ST3GAL1: variants seen among roughly 807,000 people sequenced by gnomAD.
The protein encoded by ST3GAL1 is ST3 beta-galactoside alpha-2,3-sialyltransferase 1, also known as CMP-N-acetylneuraminate-beta-galactosamide-alpha-2,3-sialyltransferase 1.
In ST3GAL1, 16 loss-of-function variants were observed where a neutral mutation model predicts 34.1. That is an observed-to-expected ratio of 0.47 (90% CI 0.32 to 0.71). The LOEUF is 0.71. Among genes scored for constraint, ST3GAL1 ranks in the 30% least tolerant of loss-of-function variants. The pLI, the probability that ST3GAL1 is intolerant of heterozygous loss-of-function variation, is 0.04. For missense variants in ST3GAL1, 353 were observed against 447.4 expected (o/e 0.79, Z 1.90); for synonymous variants, 191 against 184.7 (o/e 1.03, Z -0.28).
intron 1 of ST3GAL1, among the ~76,000 whole-genome samples, chr8:133,562,100 A>G (rs1211057057): frequency 1.3e-5 from 2 of 152,152 alleles, no homozygotes; most frequent in African/African-American, 4.8e-5. Flanking sequence ...AATAAAAAAA[A>G]AGAGAGACCT....
intron 2 of ST3GAL1, among the ~76,000 whole-genome samples, chr8:133,541,058 TATATATATAGAC>T (rs71299077): frequency 0.19 from 5,173 of 27,620 alleles, 381 homozygotes; most frequent in African/African-American, 0.28. Context: ...TATATAGACA[TATATATATAGAC>T]ATATATATAG....
At chr8:133,569,956 T>C (rs1355395548) in intron 1 of ST3GAL1, among the ~76,000 whole-genome samples, 1 of 152,220 alleles carries the variant, frequency 6.6e-6, no homozygotes, top group Non-Finnish European at 1.5e-5. Flanking sequence ...GTCGATACAT[T>C]TGAACTCCAT....
chr8:133,546,970 C>T (rs1429343997), intron 1 of ST3GAL1, among the ~76,000 whole-genome samples: 5 of 151,524 alleles, frequency 3.3e-5, no homozygotes, highest in Admixed American at 3.3e-4. Context: ...ACACCACTGC[C>T]CTCCAGCCTG....
intron 2 of ST3GAL1, among the ~76,000 whole-genome samples, chr8:133,525,335 C>G (rs757321543): frequency 2.6e-5 from 4 of 152,234 alleles, no homozygotes; most frequent in Admixed American, 2.0e-4. Context: ...AGTCCTGACA[C>G]CTACATGTCT....
In ST3GAL1 at chr8:133,476,082, A is replaced by G; in HGVS notation, c.-50-8T>C. The G allele has an allele frequency of 6.6e-7, 1 of 1,504,968 alleles. No homozygotes were observed. The highest frequency in any genetic ancestry group is 8.9e-7 in the Non-Finnish European group (1 of 1,125,470). The allele number at this position is 1,504,968 out of a possible 1,614,324, so 93.2% of individuals were successfully genotyped here. On this transcript the variant is annotated splice_polypyrimidine_tract_variant and splice_region_variant and intron_variant, in intron 4 of 9. Transcript: ENST00000522652. ...GGTAGCAGGAACTCCCTCCTAAGAG[A>G]GGAGAAAAATGGAAGAAAAATCCCA...
chr8:133,484,784 G>C (rs1816518510), intron 3 of ST3GAL1, among the ~76,000 whole-genome samples: 1 of 152,092 alleles, frequency 6.6e-6, no homozygotes, highest in South Asian at 2.1e-4. Context: ...CCCGCCCCAG[G>C]ATTCCTGCCA....
At chr8:133,540,748 TATATATATATATAGAC>T (rs1563733857) in intron 2 of ST3GAL1, among the ~76,000 whole-genome samples, 2 of 56,378 alleles carry the variant, frequency 3.5e-5, no homozygotes, top group East Asian at 8.1e-4. Flanking sequence ...TATATAGACA[TATATATATATATAGAC>T]ATATATATAT....
At position 133,461,287 on chromosome 8, in the gene ST3GAL1, G is replaced by A. The variant is rs1232764245; in HGVS notation, c.849+588C>T. Among the ~76,000 whole-genome samples the A allele has an allele frequency of 6.6e-6, 1 of 152,188 alleles. No homozygotes were observed. Among genetic ancestry groups the A allele is most frequent in the Non-Finnish European group, 1.5e-5 (1 of 68,012 alleles). ...ACATCAGGGAGGAAGTGGGGGCTGT[G>A]TGGCCTGCCCTCCTGCCCCTCTTCC... On this transcript the variant is annotated intron_variant, in intron 9 of 9. Transcript: ENST00000522652. This position sits in a 1 kb window ranked among gnomAD's most constrained non-coding sequence, Gnocchi z 4.7.
At chr8:133,512,503 C>G (rs1817524685) in intron 2 of ST3GAL1, among the ~76,000 whole-genome samples, 1 of 152,208 alleles carries the variant, frequency 6.6e-6, no homozygotes, top group African/African-American at 2.4e-5. Context: ...GTAACACTCT[C>G]AAAGACACCC....
intron 9 of ST3GAL1, among the ~76,000 whole-genome samples, chr8:133,460,427 T>A (rs1815454558): frequency 6.6e-6 from 1 of 152,186 alleles, no homozygotes; most frequent in Non-Finnish European, 1.5e-5. Context: ...GGTCCAAGAA[T>A]CATGATTGCA....
At chr8:133,558,046 G>A (rs186266914) in intron 1 of ST3GAL1, among the ~76,000 whole-genome samples, 63 of 152,146 alleles carry the variant, frequency 4.1e-4, no homozygotes, top group African/African-American at 1.3e-3. Flanking sequence ...CTTAAATTCA[G>A]ATAGCTCCTA....
intron 2 of ST3GAL1, among the ~76,000 whole-genome samples, chr8:133,520,129 G>A (rs915103920): frequency 3.9e-5 from 6 of 152,170 alleles, no homozygotes; most frequent in African/African-American, 1.4e-4. Context: ...GTTTGTGGGG[G>A]CTAAGTCTAC....
At chr8:133,527,602 C>T (rs906107121) in intron 2 of ST3GAL1, among the ~76,000 whole-genome samples, 1 of 152,196 alleles carries the variant, frequency 6.6e-6, no homozygotes, top group Non-Finnish European at 1.5e-5. Context: ...TATTCACAAC[C>T]TAGGTTGTCA....
At chr8:133,512,709 G>A (rs1347429012) in intron 2 of ST3GAL1, among the ~76,000 whole-genome samples, 2 of 152,160 alleles carry the variant, frequency 1.3e-5, no homozygotes, top group African/African-American at 4.8e-5. Context: ...CAACCAAACT[G>A]AGGGTCGGGA....
rs1406709772 is a variant in ST3GAL1 at position 133,469,659 on chromosome 8, CTGCTGCCTGCCCA to C, written c.307-3582_307-3570del. The stretch of plus-strand genomic sequence containing the variant: ...TACTGTATTCGGTTGCAGCTCTACC[CTGCTGCCTGCCCA>C]GGCAAACTCTCCTCTCCCTTAGAAC... On this transcript the variant is annotated intron_variant, in intron 5 of 9. Transcript: ENST00000522652. This position sits in a 1 kb window ranked among gnomAD's most constrained non-coding sequence, Gnocchi z 4.3. Among the ~76,000 whole-genome samples the C allele has an allele frequency of 5.9e-5, 9 of 152,356 alleles. No individual in the cohort carries two copies. In the East Asian group the frequency reaches 1.3e-3, roughly 23 times the overall value.
intron 8 of ST3GAL1, among the ~76,000 whole-genome samples, chr8:133,462,944 G>T (rs1233181036): frequency 6.6e-6 from 1 of 152,218 alleles, no homozygotes; most frequent in Non-Finnish European, 1.5e-5. Flanking sequence ...AGGCCAGTGT[G>T]GTGGGTACCT....
At chr8:133,523,087 GCT>G (rs1817858497) in intron 2 of ST3GAL1, among the ~76,000 whole-genome samples, 1 of 152,148 alleles carries the variant, frequency 6.6e-6, no homozygotes, top group South Asian at 2.1e-4. Context: ...ATGGGGCTGC[GCT>G]CTGTCACTCC....
intron 2 of ST3GAL1, among the ~76,000 whole-genome samples, chr8:133,541,096 CATATATAT>C (rs780797700): frequency 4.0e-4 from 15 of 37,184 alleles, no homozygotes; most frequent in South Asian, 1.2e-3. Context: ...TATATATAAA[CATATATAT>C]ATATATATAT....
intron 2 of ST3GAL1, among the ~76,000 whole-genome samples, chr8:133,518,171 C>T (rs1445145713): frequency 6.6e-6 from 1 of 152,220 alleles, no homozygotes; most frequent in African/African-American, 2.4e-5. Flanking sequence ...CAGATGCTGC[C>T]TGCCATCCCC....
Sources: allele counts gnomAD v4.1 joint callset (sites outside exome capture counted in the v4.1 genomes callset), GRCh38; gene constraint gnomAD v4.1.1; non-coding constraint Gnocchi (gnomAD v3.1); transcripts MANE v1.5; gene names NCBI Gene and HGNC (gene_info 2026-07-23, HGNC 2026-07-21).